The following HAPLN2 variants were observed in gnomAD, a reference collection of about 807,000 sequenced individuals.
HAPLN2 encodes the protein hyaluronan and proteoglycan link protein 2, also known as brain link protein-1.
A neutral mutation model predicts 29.3 loss-of-function variants in HAPLN2; 27 were observed. The ratio of observed to expected loss-of-function variants is 0.92; its 90% confidence interval spans 0.68 to 1.27. The LOEUF (loss-of-function observed/expected upper bound fraction) is 1.27. Among genes scored for constraint, HAPLN2 ranks in the 50% most tolerant of loss-of-function variants. The pLI is 0.00. For missense variants in HAPLN2, 454 were observed against 484.3 expected (o/e 0.94, Z 0.59); for synonymous variants, 208 against 211.7 (o/e 0.98, Z 0.15).
Position 156,623,042 on chromosome 1 carries a change from AAATAAAT to A in HAPLN2, c.-24-422_-24-416del, listed in dbSNP as rs1557975783. On this transcript the variant is annotated intron_variant, in intron 2 of 6. Transcript: ENST00000255039. Reference sequence around the variant, plus strand: ...GAGCAACACTCTGTCTCAAAAAAATAAATAAATAAATAAATAAATAAATAAATAAATA... The same window carrying A: ...GAGCAACACTCTGTCTCAAAAAAATAAAATAAATAAATAAATAAATAAATA... Among the ~76,000 whole-genome samples the A allele has an allele frequency of 1.5e-3, 177 of 121,538 alleles. 15 individuals carry two copies. The highest frequency in any genetic ancestry group is 7.5e-3 in the Middle Eastern group (2 of 266). The allele number at this position is 121,538 out of a possible 152,430, so 79.7% of individuals were successfully genotyped here.
chr1:156,608,524 C>T, the HAPLN2 span, among the ~76,000 whole-genome samples: 2 of 151,524 alleles, frequency 1.3e-5, no homozygotes, highest in Non-Finnish European at 2.9e-5. Flanking sequence ...CTTTTCTTTC[C>T]TTTCTTTCTT....
chr1:156,620,406 G>T (rs1323606841), intron 2 of HAPLN2, among the ~76,000 whole-genome samples: 1 of 152,142 alleles, frequency 6.6e-6, no homozygotes, highest in Non-Finnish European at 1.5e-5. Flanking sequence ...CAGGATTGCT[G>T]GGAGGAGTAA....
At chr1:156,612,175 T>C in the HAPLN2 span, among the ~76,000 whole-genome samples, 2 of 152,128 alleles carry the variant, frequency 1.3e-5, no homozygotes, top group African/African-American at 4.8e-5. Context: ...ATGTGCCCAC[T>C]ACCATGCTCA....
At chr1:156,618,486 A>T (rs1678116833), upstream of HAPLN2, among the ~76,000 whole-genome samples, 1 of 150,534 alleles carries the variant, frequency 6.6e-6, no homozygotes, top group Non-Finnish European at 1.5e-5. Context: ...CTTAAAAAAA[A>T]AATTTTAAAA....
chr1:156,624,692 C>T lies in HAPLN2; in HGVS notation c.648C>T (p.Gly216=), dbSNP rs754288753. ...TGCTCACCGCACGCGCCCCGTGCGG[C>T]GGCCGAGGCCGGCCCGGGATCCGCA... is the stretch of plus-strand genomic sequence containing the variant. ...YPVLTARAPC[G]GRGRPGIRSY... is the part of the protein sequence containing the mutation. Residue 216 remains glycine (G), a synonymous_variant, in exon 6 of 7, where the codon GGC becomes GGT. Coordinates refer to ENST00000255039, the MANE Select transcript of HAPLN2 (RefSeq NM_021817.3). 2.5e-6 allele frequency: 4 copies of T among 1,594,890 alleles called. No individual in the cohort carries two copies. Among genetic ancestry groups the T allele is most frequent in the Non-Finnish European group, 3.4e-6 (4 of 1,173,710 alleles).
upstream of HAPLN2, among the ~76,000 whole-genome samples, chr1:156,618,084 C>A (rs1317220072): frequency 2.0e-5 from 3 of 151,616 alleles, no homozygotes; most frequent in African/African-American, 7.3e-5. Context: ...ATTGCTTGAG[C>A]CCAGGAGTTC....
chr1:156,611,931 T>A, the HAPLN2 span, among the ~76,000 whole-genome samples: 3 of 152,232 alleles, frequency 2.0e-5, no homozygotes, highest in African/African-American at 7.2e-5. Flanking sequence ...TAACCCCTAC[T>A]CCATACTGCC....
chr1:156,602,547 A>G, the HAPLN2 span, among the ~76,000 whole-genome samples: 1 of 74,794 alleles, frequency 1.3e-5, no homozygotes, highest in African/African-American at 4.2e-5. Context: ...GACTAAAAAT[A>G]CCAAAAAAAA....
chr1:156,610,640 CAA>C, the HAPLN2 span, among the ~76,000 whole-genome samples: 2 of 121,568 alleles, frequency 1.6e-5, no homozygotes, highest in Non-Finnish European at 1.8e-5. Flanking sequence ...AACTCCGTCT[CAA>C]AAAAAAAAAA....
upstream of HAPLN2, among the ~76,000 whole-genome samples, chr1:156,616,109 G>C (rs1261446009): frequency 2.8e-4 from 43 of 152,274 alleles, no homozygotes; most frequent in Non-Finnish European, 1.5e-5. Context: ...AAACTGGCCA[G>C]CTGAACCTGC....
intron 5 of HAPLN2, 34 bp from the exon 6 acceptor site, chr1:156,624,567 C>T: frequency 6.2e-7 from 1 of 1,606,662 alleles, no homozygotes; most frequent in South Asian, 1.1e-5. Flanking sequence ...GCCTATGACG[C>T]CTCTTATCCC....
the HAPLN2 span, among the ~76,000 whole-genome samples, chr1:156,602,237 G>C: frequency 6.6e-6 from 1 of 152,106 alleles, no homozygotes; most frequent in African/African-American, 2.4e-5. Flanking sequence ...ACCGTGACCG[G>C]CCTCATCAAA....
At chr1:156,616,138 T>G (rs1214767714), upstream of HAPLN2, among the ~76,000 whole-genome samples, 4 of 151,210 alleles carry the variant, frequency 2.6e-5, no homozygotes, top group Non-Finnish European at 3.0e-5. Flanking sequence ...TGGAAGCGAG[T>G]GTGGGTGTTA....
At chr1:156,611,141 G>A in the HAPLN2 span, among the ~76,000 whole-genome samples, 1 of 151,942 alleles carries the variant, frequency 6.6e-6, no homozygotes, top group Admixed American at 6.6e-5. Context: ...AAATCAGCTA[G>A]GCATGGTGGT....
At chr1:156,619,897 TCTTAACATGG>T (rs1678164992) in intron 1 of HAPLN2, 111 bp from the exon 2 acceptor site, 1 of 152,366 alleles carries the variant, frequency 6.6e-6, no homozygotes, top group Non-Finnish European at 1.5e-5. Flanking sequence ...GACACAGGTC[TCTTAACATGG>T]CTTAGTGGAC....
At chr1:156,610,986 C>T in the HAPLN2 span, among the ~76,000 whole-genome samples, 1 of 152,084 alleles carries the variant, frequency 6.6e-6, no homozygotes, top group Non-Finnish European at 1.5e-5. Context: ...TTTATGTCCT[C>T]TTAAAAATTA....
the HAPLN2 span, among the ~76,000 whole-genome samples, chr1:156,609,722 G>C: frequency 2.6e-5 from 4 of 152,082 alleles, no homozygotes; most frequent in Admixed American, 1.3e-4. Context: ...GCTCCATACG[G>C]ACACAAATAA....
upstream of HAPLN2, among the ~76,000 whole-genome samples, chr1:156,618,305 C>CAAAAAAAAAA (rs57219264): frequency 9.7e-6 from 1 of 103,222 alleles, no homozygotes; most frequent in African/African-American, 4.1e-5. Context: ...GACTCTGTCT[C>CAAAAAAAAAA]AAAAAAAAAA....
upstream of HAPLN2, among the ~76,000 whole-genome samples, chr1:156,617,531 T>G (rs1374705285): frequency 6.6e-6 from 1 of 151,892 alleles, no homozygotes; most frequent in South Asian, 2.1e-4. Flanking sequence ...GTATTTTTAG[T>G]AGAGACAGAG....
Sources: gnomAD v4.1 joint callset for allele counts (sites outside exome capture counted in the v4.1 genomes callset) on GRCh38, gnomAD v4.1.1 for gene constraint, MANE v1.5 for transcripts, NCBI Gene and HGNC (gene_info 2026-07-23, HGNC 2026-07-21) for gene names.